SYT1: variants seen among roughly 807,000 people sequenced by gnomAD.
SYT1 encodes synaptotagmin-1.
Under a neutral mutation model 44.8 loss-of-function variants are expected in SYT1, and 8 were observed. The observed-to-expected ratio is 0.18, with a 90% CI of 0.10 to 0.32. The LOEUF is 0.32. SYT1 is among the 10% of genes least tolerant of loss of function. The pLI, the probability that SYT1 is intolerant of heterozygous loss-of-function variation, is 1.00. For synonymous variants in SYT1, 154 were observed against 188.8 expected (o/e 0.82, Z 1.51); for missense variants, 286 against 509.3 (o/e 0.56, Z 4.22).
At chr12:79,262,553 T>C (rs1260443284) in intron 4 of SYT1, among the ~76,000 whole-genome samples, 2 of 152,214 alleles carry the variant, frequency 1.3e-5, no homozygotes, top group Non-Finnish European at 2.9e-5. Context: ...TTTCCACATT[T>C]GTATTCTTGA....
chr12:79,105,900 AAG>A (rs199649697), intron 3 of SYT1, among the ~76,000 whole-genome samples: 5,815 of 152,120 alleles, frequency 0.038, 140 homozygotes, highest in Non-Finnish European at 0.061. Context: ...AAAAAAAAAA[AAG>A]GCAATTTAAT....
intron 8 of SYT1, among the ~76,000 whole-genome samples, chr12:79,325,987 T>C (rs1592968442): frequency 6.6e-6 from 1 of 152,298 alleles, no homozygotes; most frequent in South Asian, 2.1e-4. Context: ...ACTACCTCTT[T>C]AAAATACAGA....
intron 9 of SYT1, among the ~76,000 whole-genome samples, chr12:79,374,488 G>T (rs1016449123): frequency 1.3e-5 from 2 of 151,900 alleles, no homozygotes; most frequent in Non-Finnish European, 2.9e-5. Context: ...ATTTTAAAAG[G>T]GTACACATTC....
chr12:79,025,183 T>C (rs1872448871), intron 2 of SYT1, among the ~76,000 whole-genome samples: 1 of 151,824 alleles, frequency 6.6e-6, no homozygotes, highest in South Asian at 2.1e-4. Flanking sequence ...GTGATACATG[T>C]ATTAAACACT....
At chr12:78,877,160 G>A (rs936438138) in intron 1 of SYT1, among the ~76,000 whole-genome samples, 1 of 150,952 alleles carries the variant, frequency 6.6e-6, no homozygotes, top group Non-Finnish European at 1.5e-5. Flanking sequence ...AAGGAAAGAG[G>A]TTTAATGGAT....
intron 4 of SYT1, among the ~76,000 whole-genome samples, chr12:79,252,171 G>C (rs1174813328): frequency 6.6e-6 from 1 of 152,126 alleles, no homozygotes; most frequent in Non-Finnish European, 1.5e-5. Flanking sequence ...GCTTCTAAAT[G>C]TGAGCAAGAA....
intron 9 of SYT1, among the ~76,000 whole-genome samples, chr12:79,387,768 A>T (rs1283359331): frequency 6.6e-6 from 1 of 152,174 alleles, no homozygotes; most frequent in African/African-American, 2.4e-5. Context: ...ACCAATTAAG[A>T]TTTCTTTAAC....
Position 79,050,121 on chromosome 12 carries a change from A to G in SYT1, c.-18+2759A>G, listed in dbSNP as rs566534842. 2.0e-5 allele frequency among the ~76,000 whole-genome samples: 3 copies of G among 152,100 alleles called. No individual in the cohort carries two copies. The South Asian group carries it at 6.2e-4, about 32-fold the overall frequency. ...GTTGACTGGATGTTATCAATAACAT[A>G]AATAGTTGATTAATTCTTATTTTTC... is the stretch of plus-strand genomic sequence containing the variant. On this transcript the variant is annotated intron_variant, in intron 3 of 10. Transcript: ENST00000261205.
intron 3 of SYT1, among the ~76,000 whole-genome samples, chr12:79,206,528 G>C (rs542357721): frequency 6.0e-4 from 92 of 152,138 alleles, no homozygotes; most frequent in African/African-American, 2.1e-3. Context: ...TGTAAAAAAT[G>C]TGAAAAAAAA....
At chr12:79,349,818 A>C (rs1158160068) in intron 8 of SYT1, among the ~76,000 whole-genome samples, 1 of 152,244 alleles carries the variant, frequency 6.6e-6, no homozygotes, top group Non-Finnish European at 1.5e-5. Context: ...ATAAATTACT[A>C]TGCAGCCATC....
intron 4 of SYT1, among the ~76,000 whole-genome samples, chr12:79,222,364 AT>A (rs1024269734): frequency 1.5e-5 from 2 of 135,574 alleles, no homozygotes; most frequent in African/African-American, 5.7e-5. Flanking sequence ...TTCTGCTACT[AT>A]TTATTTATTT....
chr12:78,887,170 G>A (rs1874794815), intron 1 of SYT1, among the ~76,000 whole-genome samples: 1 of 151,856 alleles, frequency 6.6e-6, no homozygotes, highest in African/African-American at 2.4e-5. Flanking sequence ...GTTTTGAGTA[G>A]CATGATGAAA....
chr12:79,399,530 A>C (rs755153402), intron 9 of SYT1, among the ~76,000 whole-genome samples: 1 of 152,174 alleles, frequency 6.6e-6, no homozygotes, highest in Non-Finnish European at 1.5e-5. Flanking sequence ...TATGTTAACT[A>C]CGTTTATCCC....
chr12:79,007,871 A>G (rs368968812), intron 2 of SYT1, among the ~76,000 whole-genome samples: 4 of 152,100 alleles, frequency 2.6e-5, no homozygotes, highest in Non-Finnish European at 5.9e-5. Context: ...GATAAAAAGT[A>G]TGAGTAATGG....
intron 1 of SYT1, among the ~76,000 whole-genome samples, chr12:78,936,461 G>A (rs896957616): frequency 1.3e-5 from 2 of 152,020 alleles, no homozygotes; most frequent in East Asian, 1.9e-4. Context: ...TCTTTTAAGC[G>A]GCTTTTAGTA....
At chr12:78,900,285 A>G (rs1875590290) in intron 1 of SYT1, among the ~76,000 whole-genome samples, 1 of 152,150 alleles carries the variant, frequency 6.6e-6, no homozygotes, top group Admixed American at 6.6e-5. Context: ...TACTAATACT[A>G]AATTTGTGAA....
At chr12:78,879,425 A>G (rs999250225) in intron 1 of SYT1, among the ~76,000 whole-genome samples, 4 of 151,790 alleles carry the variant, frequency 2.6e-5, no homozygotes, top group African/African-American at 7.2e-5. Flanking sequence ...AACCACCTAC[A>G]TGGCAGATCT....
intron 4 of SYT1, among the ~76,000 whole-genome samples, chr12:79,231,180 T>C (rs1875844724): frequency 6.6e-6 from 1 of 152,200 alleles, no homozygotes; most frequent in Non-Finnish European, 1.5e-5. Flanking sequence ...CCAGAGGGAA[T>C]GTATGAGATA....
At chr12:78,990,727 A>G (rs1053577895) in intron 2 of SYT1, among the ~76,000 whole-genome samples, 2 of 152,158 alleles carry the variant, frequency 1.3e-5, no homozygotes, top group Non-Finnish European at 2.9e-5. Flanking sequence ...CTGGTGTAAG[A>G]GCTTATCTCC....
Sources: gnomAD v4.1 joint callset for allele counts (sites outside exome capture counted in the v4.1 genomes callset) on GRCh38, gnomAD v4.1.1 for gene constraint, MANE v1.5 for transcripts, NCBI Gene and HGNC (gene_info 2026-07-23, HGNC 2026-07-21) for gene names.